MAP3K7CL: variants seen among roughly 807,000 people sequenced by gnomAD.
MAP3K7CL encodes MAP3K7 C-terminal-like protein.
Under a neutral mutation model 18.6 loss-of-function variants are expected in MAP3K7CL, and 16 were observed. The observed-to-expected ratio is 0.86, with a 90% CI of 0.58 to 1.31. MAP3K7CL has a LOEUF of 1.31. MAP3K7CL is among the 50% of genes most tolerant of loss of function. MAP3K7CL has a pLI of 0.00. For missense variants in MAP3K7CL, 163 were observed against 174.4 expected (o/e 0.93, Z 0.37); for synonymous variants, 65 against 66.8 (o/e 0.97, Z 0.13).
intron 4 of MAP3K7CL, among the ~76,000 whole-genome samples, chr21:29,100,083 T>TAAAAAAA (rs397727880): frequency 1.6e-4 from 20 of 122,854 alleles, no homozygotes; most frequent in African/African-American, 5.7e-4. Context: ...ACTCCGTCTT[T>TAAAAAAA]AAAAAAAAAA....
rs2087947097 is a variant in MAP3K7CL at position 29,175,567 on chromosome 21, A to C, written c.*675A>C. On this transcript the variant is annotated 3_prime_UTR_variant, in exon 5 of 5. Transcript: ENST00000399928. ...AAACAGATAAGGCTGCATTTGCTTC[A>C]TGCCATGTGACCTCACAGTAAACAT... is the stretch of plus-strand genomic sequence containing the variant. The C allele has an allele frequency of 6.6e-6, 1 of 152,242 alleles. No individual in the cohort carries two copies. Among genetic ancestry groups the C allele is most frequent in the Non-Finnish European group, 1.5e-5 (1 of 68,048 alleles). 9.4% of individuals were successfully genotyped at this position (152,242 alleles called of 1,614,324 possible). A position where few individuals can be genotyped will look rare whatever the true frequency, so the allele number is the denominator to read the frequency against.
intron 1 of MAP3K7CL, among the ~76,000 whole-genome samples, chr21:29,087,620 G>A (rs2085948498): frequency 8.0e-6 from 1 of 125,072 alleles, no homozygotes; most frequent in East Asian, 2.5e-4. Flanking sequence ...TTGAGACAGA[G>A]TCTTGTTCTG....
chr21:29,105,601 GA>G (rs1309561363), intron 4 of MAP3K7CL, among the ~76,000 whole-genome samples: 2 of 152,244 alleles, frequency 1.3e-5, no homozygotes, highest in East Asian at 1.9e-4. Flanking sequence ...CAGGCAGTGG[GA>G]AAAAACATAC....
At position 29,159,975 on chromosome 21, in the gene MAP3K7CL, T is replaced by C. The variant is rs144623892; in HGVS notation, c.167T>C (p.Met56Thr). The C allele has an allele frequency of 1.2e-6, 2 of 1,613,936 alleles. No individual in the cohort carries two copies. Among genetic ancestry groups the C allele is most frequent in the East Asian group, 2.2e-5 (1 of 44,890 alleles). ...LPPCHDSEESMEVFKQHCQIA... is the reference protein window; with the variant it reads ...LPPCHDSEESTEVFKQHCQIA... ...CCTTGTCATGACTCCGAGGAATCCA[T>C]GGAGGTGTTCAAACAGCACTGCCAA... The change falls in exon 4 of 5, where the codon ATG becomes ACG. Residue 56 changes from methionine (M) to threonine (T), a missense_variant. Transcript: ENST00000399928.
At chr21:29,108,989 C>T (rs971517688) in intron 4 of MAP3K7CL, 63 of 1,431,086 alleles carry the variant, frequency 4.4e-5, no homozygotes, top group Non-Finnish European at 5.4e-5. Flanking sequence ...AATTCAATGT[C>T]GGCTGGACCC....
At chr21:29,161,275 A>G (rs1172196446) in intron 4 of MAP3K7CL, among the ~76,000 whole-genome samples, 1 of 152,168 alleles carries the variant, frequency 6.6e-6, no homozygotes, top group East Asian at 1.9e-4. Flanking sequence ...ACGTGCCACT[A>G]TACTTCAGCC....
chr21:29,138,452 T>C (rs752275710), intron 2 of MAP3K7CL, among the ~76,000 whole-genome samples: 1 of 152,184 alleles, frequency 6.6e-6, no homozygotes, highest in Non-Finnish European at 1.5e-5. Flanking sequence ...CACTGGCCCT[T>C]CTCCAGCTAG....
chr21:29,120,667 T>G (rs1427753968), intron 4 of MAP3K7CL, among the ~76,000 whole-genome samples: 1 of 116,288 alleles, frequency 8.6e-6, no homozygotes, highest in Non-Finnish European at 2.0e-5. Context: ...TTTCTTTCTT[T>G]CTTTTTCTTT....
intron 3 of MAP3K7CL, among the ~76,000 whole-genome samples, chr21:29,155,154 T>C (rs2087370227): frequency 1.3e-5 from 2 of 152,226 alleles, no homozygotes; most frequent in South Asian, 4.1e-4. Flanking sequence ...GAAATCAGCA[T>C]GGACTGTGTT....
At chr21:29,141,324 C>A (rs2087002387) in intron 2 of MAP3K7CL, among the ~76,000 whole-genome samples, 1 of 151,730 alleles carries the variant, frequency 6.6e-6, no homozygotes, top group Non-Finnish European at 1.5e-5. Flanking sequence ...ACTATCCTGG[C>A]TAACGTGGTG....
chr21:29,173,935 CAA>C (rs1389131468), intron 4 of MAP3K7CL, among the ~76,000 whole-genome samples: 3 of 152,136 alleles, frequency 2.0e-5, no homozygotes, highest in Admixed American at 6.5e-5. Flanking sequence ...CTCCTGGACT[CAA>C]GAGATATTTG....
At chr21:29,101,258 C>G (rs2086225209) in intron 4 of MAP3K7CL, among the ~76,000 whole-genome samples, 1 of 152,082 alleles carries the variant, frequency 6.6e-6, no homozygotes. Context: ...CATTGGAGAC[C>G]ATTTTCCAGG....
intron 1 of MAP3K7CL, among the ~76,000 whole-genome samples, chr21:29,078,089 AT>A (rs1209909843): frequency 2.6e-5 from 4 of 151,582 alleles, no homozygotes; most frequent in Non-Finnish European, 4.4e-5. Flanking sequence ...ATGTGTTTTG[AT>A]TTTTTTTGTA....
chr21:29,156,048 T>C (rs2087396842), intron 3 of MAP3K7CL, among the ~76,000 whole-genome samples: 1 of 152,226 alleles, frequency 6.6e-6, no homozygotes. Context: ...TGGATTCCTT[T>C]TCTTTGGAGT....
At chr21:29,153,611 G>C (rs1426901509) in intron 3 of MAP3K7CL, among the ~76,000 whole-genome samples, 1 of 152,032 alleles carries the variant, frequency 6.6e-6, no homozygotes, top group African/African-American at 2.4e-5. Flanking sequence ...ACCACACCTG[G>C]CTAATTTTTG....
chr21:29,162,628 A>G (rs1568970532), intron 4 of MAP3K7CL, among the ~76,000 whole-genome samples: 1 of 151,520 alleles, frequency 6.6e-6, no homozygotes, highest in African/African-American at 2.4e-5. Flanking sequence ...GGTTACAGGG[A>G]GCTGAGATCG....
At chr21:29,086,936 G>C (rs1440920612) in intron 1 of MAP3K7CL, among the ~76,000 whole-genome samples, 1 of 152,162 alleles carries the variant, frequency 6.6e-6, no homozygotes, top group Non-Finnish European at 1.5e-5. Context: ...CCATCCTGAT[G>C]AAAGTCCTCC....
chr21:29,148,839 C>T lies in MAP3K7CL; in HGVS notation c.71-350C>T, dbSNP rs187845276. ...TCCTGTCCCATTAAAGTCCTTCTGG[C>T]CACCTCATTAGCACCTTGTTAAAGC... On this transcript the variant is annotated intron_variant, in intron 2 of 4. Coordinates refer to ENST00000399928, the MANE Select transcript of MAP3K7CL (RefSeq NM_001286620.2). Among the ~76,000 whole-genome samples the T allele has an allele frequency of 2.2e-4, 33 of 152,280 alleles. 1 individual carries two copies. In the East Asian group the frequency reaches 6.4e-3, roughly 29 times the overall value.
At chr21:29,169,100 G>A (rs1239844875) in intron 4 of MAP3K7CL, among the ~76,000 whole-genome samples, 1 of 152,194 alleles carries the variant, frequency 6.6e-6, no homozygotes, top group African/African-American at 2.4e-5. Context: ...TTGACATCTA[G>A]TGAGTGAGGC....
Sources: allele counts gnomAD v4.1 joint callset (sites outside exome capture counted in the v4.1 genomes callset), GRCh38; gene constraint gnomAD v4.1.1; transcripts MANE v1.5; gene names NCBI Gene and HGNC (gene_info 2026-07-23, HGNC 2026-07-21).